NKAIN3: variants seen among roughly 807,000 people sequenced by gnomAD.
The protein encoded by NKAIN3 is sodium/potassium transporting ATPase interacting 3.
In NKAIN3, 25 loss-of-function variants were observed where a neutral mutation model predicts 30.2. The ratio of observed to expected loss-of-function variants is 0.83; its 90% confidence interval spans 0.60 to 1.16. NKAIN3 has a LOEUF of 1.16. Ranked by LOEUF, NKAIN3 falls within the 50% of genes most tolerant of loss-of-function variation. The pLI is 0.00. For synonymous variants in NKAIN3, 91 were observed against 89.6 expected (o/e 1.02, Z -0.09); for missense variants, 225 against 254.1 (o/e 0.89, Z 0.78).
At chr8:62,687,900 G>C (rs910279811) in intron 3 of NKAIN3, among the ~76,000 whole-genome samples, 9 of 152,226 alleles carry the variant, frequency 5.9e-5, no homozygotes, top group South Asian at 4.2e-4. Context: ...TCTTCTCCTG[G>C]GGCAACAAGC....
chr8:62,900,490 C>G (rs1053204104), intron 4 of NKAIN3, among the ~76,000 whole-genome samples: 5 of 152,142 alleles, frequency 3.3e-5, no homozygotes, highest in African/African-American at 1.2e-4. Context: ...ACATCATGGG[C>G]TCCAAAGCCA....
At position 62,855,436 on chromosome 8, in the gene NKAIN3, A is replaced by G. The variant is rs1820033408; in HGVS notation, c.472-63017A>G. 4.4e-6 allele frequency: 5 copies of G among 1,124,000 alleles called. No homozygotes were observed. The Admixed American group carries it at 5.2e-5, about 12-fold the overall frequency. 69.6% of individuals were successfully genotyped at this position (1,124,000 alleles called of 1,614,324 possible). On this transcript the variant is annotated intron_variant, in intron 4 of 6. Coordinates refer to ENST00000623646, the MANE Select transcript of NKAIN3 (RefSeq NM_001304533.3). ...TATTGGCCTTCAGCTCCTCTTCTGA[A>G]TACTTCATCTTGGGTCTTTTGCTTC...
intron 4 of NKAIN3, among the ~76,000 whole-genome samples, chr8:62,816,244 T>C (rs768953427): frequency 3.3e-5 from 5 of 152,174 alleles, no homozygotes; most frequent in Admixed American, 6.5e-5. Flanking sequence ...TTGGCATTGG[T>C]TCTGGGTAGG....
intron 4 of NKAIN3, among the ~76,000 whole-genome samples, chr8:62,749,075 C>A (rs1816183197): frequency 6.6e-6 from 1 of 151,860 alleles, no homozygotes; most frequent in South Asian, 2.1e-4. Context: ...TTTTATTAAT[C>A]ATCTTGAACA....
At chr8:62,859,176 G>A (rs1820161094) in intron 4 of NKAIN3, among the ~76,000 whole-genome samples, 2 of 152,094 alleles carry the variant, frequency 1.3e-5, no homozygotes, top group African/African-American at 4.8e-5. Flanking sequence ...AACTGGATAT[G>A]GGGGTTCCCT....
intron 4 of NKAIN3, among the ~76,000 whole-genome samples, chr8:62,773,513 T>C (rs1424099105): frequency 2.0e-5 from 3 of 152,144 alleles, no homozygotes; most frequent in Admixed American, 2.0e-4. Flanking sequence ...GGATAGCTGA[T>C]AAGGTTTGGC....
intron 4 of NKAIN3, among the ~76,000 whole-genome samples, chr8:62,912,455 T>C (rs1249752344): frequency 6.6e-6 from 1 of 152,232 alleles, no homozygotes; most frequent in Non-Finnish European, 1.5e-5. Flanking sequence ...ATTTTTACTT[T>C]ATAAACCTTT....
chr8:62,908,253 A>G (rs1821837573), intron 4 of NKAIN3, among the ~76,000 whole-genome samples: 1 of 152,038 alleles, frequency 6.6e-6, no homozygotes, highest in African/African-American at 2.4e-5. Flanking sequence ...CAATGCCTGT[A>G]CCCCCATTGT....
chr8:62,254,538 A>G (rs1289976429), intron 1 of NKAIN3, among the ~76,000 whole-genome samples: 1 of 152,182 alleles, frequency 6.6e-6, no homozygotes, highest in African/African-American at 2.4e-5. Context: ...AGATAAAAGT[A>G]AAACAAAACA....
intron 3 of NKAIN3, among the ~76,000 whole-genome samples, chr8:62,638,135 A>G (rs972959137): frequency 6.6e-6 from 1 of 152,118 alleles, no homozygotes; most frequent in Admixed American, 6.5e-5. Flanking sequence ...CTGTTTAAAG[A>G]CCTTGCAAAG....
chr8:62,667,376 AAT>A (rs990257570), intron 3 of NKAIN3, among the ~76,000 whole-genome samples: 1 of 139,816 alleles, frequency 7.2e-6, no homozygotes, highest in Non-Finnish European at 1.5e-5. Flanking sequence ...TATATATATA[AAT>A]ATATATATAT....
chr8:62,719,753 C>CTTTTT (rs60637445), intron 3 of NKAIN3, among the ~76,000 whole-genome samples: 332 of 90,412 alleles, frequency 3.7e-3, no homozygotes, highest in East Asian at 9.3e-3. Flanking sequence ...ACATTTCTTT[C>CTTTTT]TTTTTTTTTT....
intron 1 of NKAIN3, among the ~76,000 whole-genome samples, chr8:62,348,861 G>A (rs573624246): frequency 6.6e-6 from 1 of 152,200 alleles, no homozygotes; most frequent in East Asian, 1.9e-4. Context: ...ATTGAACTAA[G>A]AAATACGAGC....
At chr8:62,927,250 T>A (rs1290397465) in intron 5 of NKAIN3, among the ~76,000 whole-genome samples, 1 of 152,194 alleles carries the variant, frequency 6.6e-6, no homozygotes, top group Admixed American at 6.5e-5. Flanking sequence ...CAGCAGGGAC[T>A]TCCTAATTGT....
At chr8:62,551,482 C>T (rs972312404) in intron 1 of NKAIN3, among the ~76,000 whole-genome samples, 2 of 152,086 alleles carry the variant, frequency 1.3e-5, no homozygotes, top group Admixed American at 1.3e-4. Context: ...ATAGAGAAAC[C>T]TAAGAAAGAA....
intron 4 of NKAIN3, among the ~76,000 whole-genome samples, chr8:62,802,764 A>G (rs550586699): frequency 2.6e-5 from 4 of 152,298 alleles, no homozygotes; most frequent in Admixed American, 6.5e-5. Context: ...ACACATAACA[A>G]TATTAACTTT....
At chr8:62,827,391 C>T (rs17180937) in intron 4 of NKAIN3, among the ~76,000 whole-genome samples, 1,856 of 152,204 alleles carry the variant, frequency 0.012, 14 homozygotes, top group Non-Finnish European at 0.02. Flanking sequence ...CAGGTTAAAC[C>T]GAGCAGTGTT....
chr8:62,499,607 C>A (rs1304299335), intron 1 of NKAIN3, among the ~76,000 whole-genome samples: 1 of 152,112 alleles, frequency 6.6e-6, no homozygotes, highest in African/African-American at 2.4e-5. Context: ...AAGGAAACAG[C>A]ATCATATCTC....
At chr8:62,622,747 C>T (rs1471911815) in intron 3 of NKAIN3, among the ~76,000 whole-genome samples, 3 of 151,814 alleles carry the variant, frequency 2.0e-5, no homozygotes, top group Non-Finnish European at 4.4e-5. Context: ...CTTAACAGGG[C>T]CTGTCACAGA....
Sources: allele counts gnomAD v4.1 joint callset (sites outside exome capture counted in the v4.1 genomes callset), GRCh38; gene constraint gnomAD v4.1.1; transcripts MANE v1.5; gene names NCBI Gene and HGNC (gene_info 2026-07-23, HGNC 2026-07-21).